The following SGCZ variants were observed in gnomAD, a reference collection of about 807,000 sequenced individuals.
The protein encoded by SGCZ is sarcoglycan zeta, also known as zeta-sarcoglycan.
A neutral mutation model predicts 41.3 loss-of-function variants in SGCZ; 40 were observed. The observed-to-expected ratio is 0.97, with a 90% confidence interval of 0.75 to 1.26. The LOEUF is 1.26. Ranked by LOEUF, SGCZ falls within the 50% of genes most tolerant of loss-of-function variation. SGCZ has a pLI of 0.00. For synonymous variants in SGCZ, 206 were observed against 137.5 expected (o/e 1.50, Z -3.49); for missense variants, 552 against 369.8 (o/e 1.49, Z -4.04).
At chr8:14,332,093 G>T (rs1802348480) in intron 2 of SGCZ, among the ~76,000 whole-genome samples, 1 of 151,680 alleles carries the variant, frequency 6.6e-6, no homozygotes, top group Admixed American at 6.6e-5. Context: ...TAGCCTCAAA[G>T]AACATATATA....
intron 1 of SGCZ, among the ~76,000 whole-genome samples, chr8:14,712,972 A>C (rs985148502): frequency 6.6e-6 from 1 of 152,082 alleles, no homozygotes; most frequent in Non-Finnish European, 1.5e-5. Context: ...TCTCCTCAAG[A>C]CTAGGACATC....
intron 2 of SGCZ, among the ~76,000 whole-genome samples, chr8:14,462,667 GTTC>G (rs1018494793): frequency 7.4e-4 from 112 of 152,006 alleles, no homozygotes; most frequent in African/African-American, 2.5e-3. Flanking sequence ...CTTCCACTTT[GTTC>G]TTCTTTTTCA....
At chr8:15,180,359 G>C (rs1800134036) in intron 1 of SGCZ, among the ~76,000 whole-genome samples, 1 of 152,052 alleles carries the variant, frequency 6.6e-6, no homozygotes, top group South Asian at 2.1e-4. Context: ...TTAACATGTT[G>C]GTATATTGAT....
intron 3 of SGCZ, among the ~76,000 whole-genome samples, chr8:14,297,297 T>G (rs1298019483): frequency 6.6e-6 from 1 of 151,978 alleles, no homozygotes; most frequent in African/African-American, 2.4e-5. Flanking sequence ...GAAATACAGA[T>G]CTTAAAATTG....
intron 1 of SGCZ, among the ~76,000 whole-genome samples, chr8:14,982,787 G>T (rs1386990462): frequency 6.6e-6 from 1 of 151,984 alleles, no homozygotes; most frequent in Admixed American, 6.6e-5. Flanking sequence ...TTCAGGGGTG[G>T]GTGACGATAA....
intron 2 of SGCZ, among the ~76,000 whole-genome samples, chr8:14,537,931 T>C (rs1321038570): frequency 2.0e-5 from 3 of 151,918 alleles, no homozygotes; most frequent in Non-Finnish European, 4.4e-5. Context: ...TACAACTCTT[T>C]CGTTTGCTTT....
chr8:14,596,281 T>G (rs977443440), intron 1 of SGCZ, among the ~76,000 whole-genome samples: 3 of 152,224 alleles, frequency 2.0e-5, no homozygotes, highest in African/African-American at 7.2e-5. Flanking sequence ...GGTTGTGCAC[T>G]AACTGAATTT....
At chr8:14,692,483 T>C (rs1444684082) in intron 1 of SGCZ, among the ~76,000 whole-genome samples, 1 of 152,140 alleles carries the variant, frequency 6.6e-6, no homozygotes, top group Non-Finnish European at 1.5e-5. Flanking sequence ...TAATACCATA[T>C]AGGAAAGTAA....
chr8:14,170,729 C>T (rs896904492), intron 4 of SGCZ, among the ~76,000 whole-genome samples: 2 of 151,874 alleles, frequency 1.3e-5, no homozygotes, highest in East Asian at 1.9e-4. Context: ...ACGGGTGAGA[C>T]GTTATTTTGT....
chr8:14,582,328 C>A (rs868461843), intron 1 of SGCZ, among the ~76,000 whole-genome samples: 2 of 151,938 alleles, frequency 1.3e-5, no homozygotes, highest in African/African-American at 4.8e-5. Flanking sequence ...TGTGGGGGAT[C>A]AGCACCCCTA....
rs916130785 is a variant in SGCZ, at chr8:14,649,448, G to A, written c.40-94522C>T. Among the ~76,000 whole-genome samples, 5 of 152,008 alleles carry A rather than the reference G, an allele frequency of 3.3e-5. No homozygotes were observed. The East Asian group carries it at 7.7e-4, about 24-fold the overall frequency. On this transcript the variant is annotated intron_variant, in intron 1 of 7. Transcript: ENST00000382080. ...GTTTGAAATACAGACTTAATGCGTG[G>A]CACTGCAGCAGCCACCCTGGGATCC...
chr8:14,493,317 T>C (rs1282878361), intron 2 of SGCZ, among the ~76,000 whole-genome samples: 2 of 150,510 alleles, frequency 1.3e-5, no homozygotes, highest in Non-Finnish European at 3.0e-5. Context: ...TCTTCTGGAC[T>C]TTGGTCTTCT....
At chr8:14,714,463 A>C (rs1428258454) in intron 1 of SGCZ, among the ~76,000 whole-genome samples, 1 of 152,186 alleles carries the variant, frequency 6.6e-6, no homozygotes, top group Non-Finnish European at 1.5e-5. Context: ...ACTTACATGA[A>C]TTTCCGAAAA....
intron 1 of SGCZ, among the ~76,000 whole-genome samples, chr8:14,798,426 G>T (rs920703441): frequency 6.6e-6 from 1 of 152,118 alleles, no homozygotes; most frequent in Non-Finnish European, 1.5e-5. Flanking sequence ...TTCTCTGGAA[G>T]TACACTGGTT....
intron 1 of SGCZ, among the ~76,000 whole-genome samples, chr8:14,563,083 C>G (rs1007024527): frequency 6.6e-6 from 1 of 152,182 alleles, no homozygotes; most frequent in Non-Finnish European, 1.5e-5. Flanking sequence ...GATAGCTGTG[C>G]TATGGCTGAA....
At chr8:14,473,512 C>T (rs1352607910) in intron 2 of SGCZ, among the ~76,000 whole-genome samples, 1 of 152,020 alleles carries the variant, frequency 6.6e-6, no homozygotes, top group East Asian at 1.9e-4. Context: ...AATGTTTCTA[C>T]CAAAAACTAA....
At chr8:14,511,031 G>C (rs1222147390) in intron 2 of SGCZ, among the ~76,000 whole-genome samples, 2 of 151,898 alleles carry the variant, frequency 1.3e-5, no homozygotes, top group Non-Finnish European at 2.9e-5. Context: ...TTTTCTTTTG[G>C]ATAAAATCAA....
chr8:14,786,428 C>T (rs1433812865), intron 1 of SGCZ, among the ~76,000 whole-genome samples: 1 of 152,016 alleles, frequency 6.6e-6, no homozygotes, highest in East Asian at 1.9e-4. Flanking sequence ...TATGAAATTT[C>T]CATGAAACTT....
intron 1 of SGCZ, among the ~76,000 whole-genome samples, chr8:14,789,782 T>G (rs1429128755): frequency 2.6e-5 from 4 of 152,166 alleles, no homozygotes; most frequent in Non-Finnish European, 4.4e-5. Context: ...AGTCCAACTA[T>G]TTTTGTACTC....
Sources: allele counts gnomAD v4.1 joint callset (sites outside exome capture counted in the v4.1 genomes callset), GRCh38; gene constraint gnomAD v4.1.1; transcripts MANE v1.5; gene names NCBI Gene and HGNC (gene_info 2026-07-23, HGNC 2026-07-21).